KIF6: variants seen among roughly 807,000 people sequenced by gnomAD.
The protein encoded by KIF6 is kinesin-like protein KIF6.
KIF6 carries 106 observed loss-of-function variants against 112.7 expected under a neutral mutation model. That is an observed-to-expected ratio of 0.94 (90% CI 0.80 to 1.11). KIF6 has a LOEUF of 1.11. Ranked by LOEUF, KIF6 falls within the 50% of genes least tolerant of loss-of-function variation. The pLI is 0.00. For synonymous variants in KIF6, 339 were observed against 339.9 expected (o/e 1.00, Z 0.03); for missense variants, 929 against 964.0 (o/e 0.96, Z 0.48).
intron 3 of KIF6, among the ~76,000 whole-genome samples, chr6:39,685,359 G>T (rs1407643780): frequency 6.6e-6 from 1 of 152,188 alleles, no homozygotes; most frequent in Non-Finnish European, 1.5e-5. Flanking sequence ...GCAGATGCAG[G>T]CTGGCAGATA....
chr6:39,447,185 G>C (rs1361528973), intron 13 of KIF6, among the ~76,000 whole-genome samples: 1 of 152,146 alleles, frequency 6.6e-6, no homozygotes, highest in Non-Finnish European at 1.5e-5. Flanking sequence ...CACCAGCCAG[G>C]CTCATTCCAC....
intron 3 of KIF6, among the ~76,000 whole-genome samples, chr6:39,686,484 A>AATACAACCCC (rs1787876233): frequency 6.6e-6 from 1 of 151,748 alleles, no homozygotes; most frequent in African/African-American, 2.4e-5. Context: ...ATAAGTCTTA[A>AATACAACCCC]ATACAACCCA....
chr6:39,472,600 C>G (rs1047483522), intron 13 of KIF6, among the ~76,000 whole-genome samples: 1 of 152,208 alleles, frequency 6.6e-6, no homozygotes, highest in Admixed American at 6.5e-5. Context: ...CTCCTCCTCT[C>G]TCCCCCTTCC....
chr6:39,538,055 C>G (rs544606228), intron 13 of KIF6, among the ~76,000 whole-genome samples: 1 of 152,134 alleles, frequency 6.6e-6, no homozygotes, highest in Admixed American at 6.5e-5. Flanking sequence ...ACACCTTATA[C>G]AAAAATTAAT....
chr6:39,707,264 C>T (rs925405840), intron 3 of KIF6, among the ~76,000 whole-genome samples: 1 of 152,232 alleles, frequency 6.6e-6, no homozygotes, highest in African/African-American at 2.4e-5. Flanking sequence ...GCCCCCTTCT[C>T]TTTAAAACAC....
intron 13 of KIF6, among the ~76,000 whole-genome samples, chr6:39,483,855 AT>A (rs1436350787): frequency 1.3e-5 from 2 of 152,224 alleles, no homozygotes; most frequent in Non-Finnish European, 2.9e-5. Flanking sequence ...TAAAAGTGAC[AT>A]TTCTCAGTAA....
At chr6:39,478,657 A>C (rs1468822976) in intron 13 of KIF6, among the ~76,000 whole-genome samples, 1 of 149,446 alleles carries the variant, frequency 6.7e-6, no homozygotes. Flanking sequence ...TCCCACTAGC[A>C]GTGTAAAAGT....
chr6:39,479,163 G>A lies in KIF6; in HGVS notation c.1646-48002C>T, dbSNP rs140737698. On this transcript the variant is annotated intron_variant, in intron 13 of 22. Transcript: ENST00000287152. ...CATTTGCTTTTGGGTTGTTGGTCAC[G>A]AAGTCTTTTTCTAAGCCAATGTCTG... Among the ~76,000 whole-genome samples, 742 of 152,182 alleles carry A rather than the reference G, an allele frequency of 4.9e-3. 6 individuals carry two copies. Among genetic ancestry groups the A allele is most frequent in the Middle Eastern group, 0.01 (3 of 294 alleles).
At chr6:39,593,646 G>A (rs1177473416) in intron 7 of KIF6, among the ~76,000 whole-genome samples, 2 of 152,168 alleles carry the variant, frequency 1.3e-5, no homozygotes, top group African/African-American at 2.4e-5. Context: ...AGACCAAGGG[G>A]CAATGACATG....
At chr6:39,563,766 C>T (rs1461058096) in intron 10 of KIF6, among the ~76,000 whole-genome samples, 4 of 152,190 alleles carry the variant, frequency 2.6e-5, no homozygotes, top group African/African-American at 7.2e-5. Flanking sequence ...TGCCCCAGGC[C>T]TCAGGAACAG....
intron 3 of KIF6, among the ~76,000 whole-genome samples, chr6:39,706,294 C>A (rs1789205871): frequency 6.6e-6 from 1 of 152,158 alleles, no homozygotes; most frequent in Non-Finnish European, 1.5e-5. Context: ...GATTTAGGCT[C>A]ACTTTTTACC....
At chr6:39,340,556 C>T (rs1435120060) in intron 22 of KIF6, among the ~76,000 whole-genome samples, 2 of 152,230 alleles carry the variant, frequency 1.3e-5, no homozygotes, top group South Asian at 2.1e-4. Context: ...CCTTTCCTCA[C>T]CTGTCCACAG....
intron 6 of KIF6, among the ~76,000 whole-genome samples, chr6:39,611,395 C>G (rs768103214): frequency 2.6e-5 from 4 of 152,142 alleles, no homozygotes; most frequent in Non-Finnish European, 5.9e-5. Context: ...AAGGAATTTC[C>G]TTAAAACTTT....
chr6:39,596,800 CA>C (rs571723681), intron 6 of KIF6, among the ~76,000 whole-genome samples: 5 of 152,082 alleles, frequency 3.3e-5, no homozygotes, highest in East Asian at 3.9e-4. Context: ...TCACTATGTA[CA>C]AAAAAATATG....
At chr6:39,595,098 A>G (rs1477924071) in intron 7 of KIF6, among the ~76,000 whole-genome samples, 7 of 152,216 alleles carry the variant, frequency 4.6e-5, no homozygotes, top group Non-Finnish European at 8.8e-5. Context: ...TAGAAGTAGG[A>G]AGGGAAAGCT....
intron 2 of KIF6, among the ~76,000 whole-genome samples, chr6:39,717,957 T>G (rs1030628402): frequency 6.6e-6 from 1 of 152,138 alleles, no homozygotes; most frequent in Admixed American, 6.5e-5. Flanking sequence ...CCAGGTGCAG[T>G]GGTTCACACC....
At chr6:39,372,311 A>G (rs2150287108) in intron 16 of KIF6, among the ~76,000 whole-genome samples, 2 of 152,272 alleles carry the variant, frequency 1.3e-5, no homozygotes, top group Middle Eastern at 3.4e-3. Context: ...TCCCTGTATC[A>G]CTCATGTCAG....
intron 13 of KIF6, among the ~76,000 whole-genome samples, chr6:39,442,536 A>T (rs1771981351): frequency 6.6e-6 from 1 of 152,176 alleles, no homozygotes; most frequent in Non-Finnish European, 1.5e-5. Context: ...GCATTTCTGC[A>T]TTTTGGAGCC....
chr6:39,604,588 C>T (rs142083641), intron 6 of KIF6, among the ~76,000 whole-genome samples: 1 of 152,118 alleles, frequency 6.6e-6, no homozygotes, highest in East Asian at 1.9e-4. Context: ...AATGATTTTC[C>T]CCAGTTGCAG....
Sources: gnomAD v4.1 joint callset for allele counts (sites outside exome capture counted in the v4.1 genomes callset) on GRCh38, gnomAD v4.1.1 for gene constraint, MANE v1.5 for transcripts, NCBI Gene and HGNC (gene_info 2026-07-23, HGNC 2026-07-21) for gene names.